FARP1: variants seen among roughly 807,000 people sequenced by gnomAD.
FARP1 encodes FERM, ARHGEF and pleckstrin domain-containing protein 1.
A neutral mutation model predicts 128.8 loss-of-function variants in FARP1; 52 were observed. The ratio of observed to expected loss-of-function variants is 0.40; its 90% confidence interval spans 0.32 to 0.51. The LOEUF is 0.51. FARP1 is among the 20% of genes least tolerant of loss of function. The probability of loss-of-function intolerance (pLI) is 0.45; values close to 1 mark genes in which losing one functional copy is unlikely to be tolerated. For synonymous variants in FARP1, 580 were observed against 551.8 expected (o/e 1.05, Z -0.72); for missense variants, 1,333 against 1,367.9 (o/e 0.97, Z 0.40).
chr13:98,241,888 C>A (rs1398747155), intron 2 of FARP1, among the ~76,000 whole-genome samples: 1 of 152,126 alleles, frequency 6.6e-6, no homozygotes, highest in Non-Finnish European at 1.5e-5. Flanking sequence ...CACTGCACAA[C>A]AGCCTGGGCG....
At chr13:98,324,755 T>A (rs895714906) in intron 2 of FARP1, among the ~76,000 whole-genome samples, 12 of 152,204 alleles carry the variant, frequency 7.9e-5, no homozygotes, top group African/African-American at 2.9e-4. Flanking sequence ...TTCCCGTTTG[T>A]GCTAGTAAAG....
intron 19 of FARP1, among the ~76,000 whole-genome samples, chr13:98,438,312 T>A (rs867539390): frequency 2.1e-4 from 32 of 152,156 alleles, no homozygotes; most frequent in Non-Finnish European, 3.5e-4. Flanking sequence ...CCATGTGGCC[T>A]CTCGGTCCTC....
chr13:98,312,952 C>G (rs1408018285), intron 2 of FARP1, among the ~76,000 whole-genome samples: 3 of 152,076 alleles, frequency 2.0e-5, no homozygotes, highest in South Asian at 2.1e-4. Context: ...ATGGGCTACT[C>G]CAGAAGTCAA....
At chr13:98,330,737 A>T (rs1349540651) in intron 2 of FARP1, among the ~76,000 whole-genome samples, 2 of 147,770 alleles carry the variant, frequency 1.4e-5, no homozygotes, top group East Asian at 3.9e-4. Context: ...CTTGGGCAAC[A>T]GAGTGAGACT....
chr13:98,348,813 A>C (rs1888285450), intron 3 of FARP1, among the ~76,000 whole-genome samples: 1 of 152,196 alleles, frequency 6.6e-6, no homozygotes, highest in Admixed American at 6.5e-5. Context: ...AACAGGGAGT[A>C]GCCTGGCCGT....
At chr13:98,177,422 G>T (rs1370162325) in intron 1 of FARP1, among the ~76,000 whole-genome samples, 1 of 152,170 alleles carries the variant, frequency 6.6e-6, no homozygotes, top group African/African-American at 2.4e-5. Flanking sequence ...CGAGGTGGGA[G>T]AATCACCCGA....
intron 23 of FARP1, 113 bp from the exon 24 acceptor site, chr13:98,440,557 C>T: frequency 9.1e-7 from 1 of 1,102,932 alleles, no homozygotes; most frequent in Non-Finnish European, 1.3e-6. Context: ...TCTGGTTGGG[C>T]ACCACAGGTT....
At chr13:98,219,785 C>A (rs1170389417) in intron 2 of FARP1, among the ~76,000 whole-genome samples, 1 of 152,158 alleles carries the variant, frequency 6.6e-6, no homozygotes, top group Non-Finnish European at 1.5e-5. Context: ...CCACCACAGT[C>A]CCCCCTAGTT....
chr13:98,311,129 C>A (rs1048262586), intron 2 of FARP1, among the ~76,000 whole-genome samples: 1 of 152,208 alleles, frequency 6.6e-6, no homozygotes, highest in African/African-American at 2.4e-5. Context: ...AACAGCAGCA[C>A]CACTCTTGAT....
chr13:98,253,275 C>A (rs1883432615), intron 2 of FARP1, among the ~76,000 whole-genome samples: 1 of 152,138 alleles, frequency 6.6e-6, no homozygotes, highest in Admixed American at 6.6e-5. Flanking sequence ...TTCTCTTAAC[C>A]CACTGCTGGG....
intron 1 of FARP1, among the ~76,000 whole-genome samples, chr13:98,154,875 A>G (rs1421286415): frequency 6.6e-6 from 1 of 152,154 alleles, no homozygotes; most frequent in Non-Finnish European, 1.5e-5. Context: ...GACTTTGGAA[A>G]TGGCTTCAAT....
In FARP1 at chr13:98,453,153, C is replaced by A. The variant is rs531000805; in HGVS notation, c.*4836C>A. The A allele has an allele frequency of 3.1e-6, 5 of 1,613,400 alleles. No individual in the cohort carries two copies. Among genetic ancestry groups the A allele is most frequent in the Non-Finnish European group, 4.2e-6 (5 of 1,179,778 alleles). ...AAGAAGGAAAAAAGGAAAAACAAAA[C>A]CCCAAATGCCAAAGGAATTTCAGTG... On this transcript the variant is annotated 3_prime_UTR_variant, in exon 27 of 27. Transcript: ENST00000319562.
intron 2 of FARP1, among the ~76,000 whole-genome samples, chr13:98,267,669 CACG>C (rs547210478): frequency 6.6e-6 from 1 of 152,340 alleles, no homozygotes; most frequent in East Asian, 1.9e-4. Flanking sequence ...TCAACAGAAA[CACG>C]ACGGGAATCC....
Position 98,446,164 on chromosome 13 carries a change from G to A in FARP1, c.2863G>A (p.Val955Met), listed in dbSNP as rs371819014. 6.2e-7 allele frequency: 1 copy of A among 1,613,858 alleles called. No homozygotes were observed. Among genetic ancestry groups the A allele is most frequent in the Non-Finnish European group, 8.5e-7 (1 of 1,179,856 alleles). The change falls in exon 25 of 27, where the codon GTG becomes ATG. Residue 955 changes from valine (V) to methionine (M), a missense_variant. Around this residue, in one of 2 missense-constraint regions of FARP1, gnomAD observed 1,009 missense variants for 969.8 expected, o/e 1.04. Transcript: ENST00000319562. ...CAACGGGTGGCAGAAGCTGTGGGTGGTGTTCACAAACTTCTGCCTGTTCTT... is the reference window on the plus strand; with the variant it reads ...CAACGGGTGGCAGAAGCTGTGGGTGATGTTCACAAACTTCTGCCTGTTCTT... ...NSNGWQKLWV[V>M]FTNFCLFFYK...
At chr13:98,190,114 C>T (rs1879125460) in intron 1 of FARP1, among the ~76,000 whole-genome samples, 2 of 152,140 alleles carry the variant, frequency 1.3e-5, no homozygotes, top group Non-Finnish European at 2.9e-5. Flanking sequence ...ATTAACTTTT[C>T]TCTTTTTGAG....
chr13:98,241,658 G>A (rs373236636), intron 2 of FARP1, among the ~76,000 whole-genome samples: 4 of 152,284 alleles, frequency 2.6e-5, no homozygotes, highest in African/African-American at 9.6e-5. Context: ...GCTCACGCCT[G>A]TAATCCTAGC....
intron 2 of FARP1, chr13:98,244,846 A>T: frequency 6.9e-7 from 1 of 1,457,532 alleles, no homozygotes. Context: ...GTAGATACAG[A>T]TGTGATCTCA....
At chr13:98,174,695 C>T (rs1329481323) in intron 1 of FARP1, among the ~76,000 whole-genome samples, 3 of 152,154 alleles carry the variant, frequency 2.0e-5, no homozygotes, top group Admixed American at 6.5e-5. Flanking sequence ...GCCTTGTCGA[C>T]TATCAAGCTG....
intron 16 of FARP1, among the ~76,000 whole-genome samples, chr13:98,414,157 C>T (rs1566302978): frequency 1.3e-5 from 2 of 152,144 alleles, no homozygotes; most frequent in African/African-American, 4.8e-5. Flanking sequence ...TAGTGAGTTG[C>T]TTAAAAAGCA....
Sources: gnomAD v4.1 joint callset for allele counts (sites outside exome capture counted in the v4.1 genomes callset) on GRCh38, gnomAD v4.1.1 for gene constraint, gnomAD v4.1.1 regional missense constraint, MANE v1.5 for transcripts, NCBI Gene and HGNC (gene_info 2026-07-23, HGNC 2026-07-21) for gene names.